Variants in TBCD observed in about 807,000 individuals in gnomAD.
TBCD encodes tubulin-specific chaperone D.
TBCD carries 105 observed loss-of-function variants against 169.3 expected under a neutral mutation model. The ratio of observed to expected loss-of-function variants is 0.62; its 90% confidence interval spans 0.53 to 0.73. The LOEUF (loss-of-function observed/expected upper bound fraction) is 0.73. TBCD is among the 30% of genes least tolerant of loss of function. The probability of loss-of-function intolerance (pLI) is 0.00; values close to 1 mark genes in which losing one functional copy is unlikely to be tolerated. For missense variants in TBCD, 1,444 were observed against 1,600.1 expected (o/e 0.90, Z 1.66); for synonymous variants, 700 against 643.9 (o/e 1.09, Z -1.32).
rs757364023 is a variant in TBCD, at chr17:82,766,262, G to A, written c.334-5G>A. Reference sequence around the variant, plus strand: ...GTTATAATTCAGCATCTCTTTATTTGATAGGTTCGAGGCTATAAAACATTT... The same window carrying A: ...GTTATAATTCAGCATCTCTTTATTTAATAGGTTCGAGGCTATAAAACATTT... On this transcript the variant is annotated splice_region_variant and splice_polypyrimidine_tract_variant and intron_variant, in intron 3 of 38. Transcript: ENST00000355528. 7.9e-5 allele frequency: 126 copies of A among 1,603,242 alleles called. No individual in the cohort carries two copies. In the South Asian group the frequency reaches 1.4e-3, roughly 17 times the overall value.
chr17:82,821,965 A>G (rs1014637030), intron 13 of TBCD, among the ~76,000 whole-genome samples: 2 of 152,252 alleles, frequency 1.3e-5, no homozygotes, highest in South Asian at 2.1e-4. Flanking sequence ...TGAAAAATGT[A>G]CAGAGTTGCA....
At chr17:82,917,707 A>G (rs965561299) in intron 23 of TBCD, among the ~76,000 whole-genome samples, 2 of 152,046 alleles carry the variant, frequency 1.3e-5, no homozygotes, top group Admixed American at 6.5e-5. Context: ...TTTTACACCT[A>G]TTTCTAGGTG....
At chr17:82,768,761 C>A (rs1446898399) in intron 5 of TBCD, among the ~76,000 whole-genome samples, 195 bp downstream of exon 5, 1 of 152,020 alleles carries the variant, frequency 6.6e-6, no homozygotes, top group Non-Finnish European at 1.5e-5. Flanking sequence ...GTTAGCAAAT[C>A]TCATTTCTTT....
At chr17:82,931,064 G>A (rs185945255) in intron 33 of TBCD, among the ~76,000 whole-genome samples, 5 of 152,346 alleles carry the variant, frequency 3.3e-5, no homozygotes, top group East Asian at 3.9e-4. Flanking sequence ...GAGAAACATC[G>A]CTGCTTTCTA....
chr17:82,832,175 C>T lies in TBCD; in HGVS notation c.1318+17241C>T. 1 of 1,614,230 alleles carries T rather than the reference C, an allele frequency of 6.2e-7. No individual in the cohort carries two copies. Among genetic ancestry groups the T allele is most frequent in the Non-Finnish European group, 8.5e-7 (1 of 1,180,038 alleles). ...AGCTTCGAGTCGAAGGCAGAGAGTC[C>T]ATTTGCGACAGACTTGGAAGAGGCT... On this transcript the variant is annotated intron_variant, in intron 13 of 38. Coordinates refer to ENST00000355528, the MANE Select transcript of TBCD (RefSeq NM_005993.5). This position sits in a 1 kb window ranked among gnomAD's most constrained non-coding sequence, Gnocchi z 4.9.
In TBCD at chr17:82,830,860, C is replaced by A. The variant is rs774870100; in HGVS notation, c.1318+15926C>A. ...GCTTCCGGTCGGAGCAGGAGGGTCTCCGTTCACAACATTGAGGCTAGAAGA... is the reference window on the plus strand; with the variant it reads ...GCTTCCGGTCGGAGCAGGAGGGTCTACGTTCACAACATTGAGGCTAGAAGA... On this transcript the variant is annotated intron_variant, in intron 13 of 38. Transcript: ENST00000355528. The A allele has an allele frequency of 2.2e-5, 35 of 1,612,656 alleles. No homozygotes were observed. The Admixed American group carries it at 5.0e-4, about 23-fold the overall frequency.
chr17:82,799,468 C>G (rs1277503924), intron 8 of TBCD, among the ~76,000 whole-genome samples: 1 of 98,536 alleles, frequency 1.0e-5, no homozygotes, highest in African/African-American at 3.8e-5. Context: ...AAAAAAGAAA[C>G]TATCCGAATA....
intron 14 of TBCD, among the ~76,000 whole-genome samples, chr17:82,877,135 G>A (rs898580646): frequency 2.0e-5 from 3 of 152,146 alleles, no homozygotes; most frequent in African/African-American, 4.8e-5. Context: ...GGCTGGAGCC[G>A]GCGGCAATAA....
chr17:82,855,427 C>T (rs766560554), intron 13 of TBCD, among the ~76,000 whole-genome samples: 17 of 151,290 alleles, frequency 1.1e-4, no homozygotes, highest in Non-Finnish European at 2.1e-4. Flanking sequence ...CTACCGTGCC[C>T]GGCTAATTTT....
chr17:82,793,068 T>C (rs79575829), intron 7 of TBCD, among the ~76,000 whole-genome samples: 1,559 of 152,270 alleles, frequency 0.01, 33 homozygotes, highest in African/African-American at 0.035. Context: ...CAGCCTGAAA[T>C]TAGTTTTCAT....
At chr17:82,940,420 G>A (rs977639942) in intron 37 of TBCD, among the ~76,000 whole-genome samples, 1 of 152,178 alleles carries the variant, frequency 6.6e-6, no homozygotes, top group African/African-American at 2.4e-5. Flanking sequence ...TGATCCCGGT[G>A]CGTTGCTACA....
rs368824294 is a variant in TBCD, at chr17:82,928,000, G to A, written c.2693+12G>A. On this transcript the variant is annotated intron_variant, in intron 30 of 38. Transcript: ENST00000355528. ...ATCGAGGCCCATACGTGAGTGTCAC[G>A]TCGCAGCTCTTCTGCATCCTAGAGG... The A allele has an allele frequency of 1.2e-4, 200 of 1,607,096 alleles. No homozygotes were observed. The highest frequency in any genetic ancestry group is 1.6e-4 in the Non-Finnish European group (183 of 1,178,602).
chr17:82,930,860 C>T lies in TBCD; in HGVS notation c.3113+217C>T, dbSNP rs577220986. Reference sequence around the variant, plus strand: ...CAGCCCCTGCGCCTCCTCTTCTAGCCTCCACATGAGGCAGGGAAATGACCG... The same window carrying T: ...CAGCCCCTGCGCCTCCTCTTCTAGCTTCCACATGAGGCAGGGAAATGACCG... On this transcript the variant is annotated intron_variant, in intron 33 of 38. Transcript: ENST00000355528. The surrounding 1 kb of genome is among the most constrained non-coding windows in gnomAD (Gnocchi z 5.2). Among the ~76,000 whole-genome samples, 1 of 152,348 alleles carries T rather than the reference C, an allele frequency of 6.6e-6. No individual in the cohort carries two copies. Among genetic ancestry groups the T allele is most frequent in the East Asian group, 1.9e-4 (1 of 5,184 alleles).
chr17:82,888,732 T>TAA (rs2058927847), intron 15 of TBCD, among the ~76,000 whole-genome samples: 1 of 152,188 alleles, frequency 6.6e-6, no homozygotes, highest in South Asian at 2.1e-4. Flanking sequence ...TGTGTTCGGC[T>TAA]CCTTACTTGG....
At position 82,809,757 on chromosome 17, in the gene TBCD, G is replaced by T. The variant is rs1568170313; in HGVS notation, c.1198G>T (p.Val400Phe). The T allele has an allele frequency of 5.6e-6, 9 of 1,613,654 alleles. No individual in the cohort carries two copies. Among genetic ancestry groups the T allele is most frequent in the Non-Finnish European group, 6.8e-6 (8 of 1,179,730 alleles). The change falls in exon 12 of 39, where the codon GTC (valine) becomes TTC (phenylalanine). Residue 400 changes from valine to phenylalanine, a missense_variant. Coordinates refer to ENST00000355528, the MANE Select transcript of TBCD (RefSeq NM_005993.5). ...RLPRALADDV[V>F]GSVLDCFSFQ... ...TCCCAGAGCCCTGGCGGATGATGTG[G>T]TCGGGTCTGTGCTGGACTGCTTCAG...
Position 82,884,827 on chromosome 17 carries a change from G to A in TBCD, c.1533+625G>A, listed in dbSNP as rs1261124203. 1 of 154,822 alleles carries A rather than the reference G, an allele frequency of 6.5e-6. No individual in the cohort carries two copies. The highest frequency in any genetic ancestry group is 1.4e-5 in the Non-Finnish European group (1 of 69,492). 9.6% of individuals were successfully genotyped at this position (154,822 alleles called of 1,614,324 possible). On this transcript the variant is annotated intron_variant, in intron 15 of 38. Coordinates refer to ENST00000355528, the MANE Select transcript of TBCD (RefSeq NM_005993.5). The surrounding 1 kb of genome is among the most constrained non-coding windows in gnomAD (Gnocchi z 4.2). ...TGGCTCAGAGCTGGGCTGGAGTGAG[G>A]CCTGTGTCTCTTGGGACCACAGAGA... is the stretch of plus-strand genomic sequence containing the variant.
rs1356825330 is a variant in TBCD at position 82,940,221 on chromosome 17, G to GCGCACACACACACA, written c.3479+746_3479+747insGCACACACACACAC. On this transcript the variant is annotated intron_variant, in intron 37 of 38. Transcript: ENST00000355528. ...CACACACATGCTCACTTGCACGCGC[G>GCGCACACACACACA]CACACACACACACACACACACACAC... is the stretch of plus-strand genomic sequence containing the variant. 4.5e-3 allele frequency among the ~76,000 whole-genome samples: 594 copies of GCGCACACACACACA among 131,798 alleles called. 2 individuals are homozygous for GCGCACACACACACA. Among genetic ancestry groups the GCGCACACACACACA allele is most frequent in the South Asian group, 8.2e-3 (34 of 4,142 alleles). The allele number at this position is 131,798 out of a possible 152,430, so 86.5% of individuals were successfully genotyped here.
rs990488324 is a variant in TBCD at position 82,915,838 on chromosome 17, C to T, written c.2038+4049C>T. ...AGTCGGCCACAGGTGTGTGGAGGATCGTGACTTAGCAAGCCGGGGACACGC... is the reference window on the plus strand; with the variant it reads ...AGTCGGCCACAGGTGTGTGGAGGATTGTGACTTAGCAAGCCGGGGACACGC... On this transcript the variant is annotated intron_variant, in intron 23 of 38. Transcript: ENST00000355528. This position sits in a 1 kb window ranked among gnomAD's most constrained non-coding sequence, Gnocchi z 4.3. Among the ~76,000 whole-genome samples the T allele has an allele frequency of 6.6e-6, 1 of 152,100 alleles. No individual in the cohort carries two copies. The highest frequency in any genetic ancestry group is 2.4e-5 in the African/African-American group (1 of 41,402).
At chr17:82,892,153 T>C (rs949466302) in intron 16 of TBCD, among the ~76,000 whole-genome samples, 2 of 152,074 alleles carry the variant, frequency 1.3e-5, no homozygotes, top group Non-Finnish European at 2.9e-5. Context: ...GTGTTGGTCT[T>C]GCTTTGTTCT....
Sources: allele counts gnomAD v4.1 joint callset (sites outside exome capture counted in the v4.1 genomes callset), GRCh38; gene constraint gnomAD v4.1.1; non-coding constraint Gnocchi (gnomAD v3.1); transcripts MANE v1.5; gene names NCBI Gene and HGNC (gene_info 2026-07-23, HGNC 2026-07-21).